Variants in SV2C observed in about 807,000 individuals in gnomAD.
SV2C encodes synaptic vesicle glycoprotein 2C.
In SV2C, 49 loss-of-function variants were observed where a neutral mutation model predicts 79.7. The ratio of observed to expected loss-of-function variants is 0.61; its 90% CI spans 0.49 to 0.78. The LOEUF is 0.78. SV2C is among the 30% of genes least tolerant of loss of function. The pLI is 0.00. For missense variants in SV2C, 833 were observed against 912.9 expected (o/e 0.91, Z 1.13); for synonymous variants, 334 against 333.2 (o/e 1.00, Z -0.03).
chr5:76,217,156 T>G (rs1477647661), intron 4 of SV2C, among the ~76,000 whole-genome samples: 1 of 152,186 alleles, frequency 6.6e-6, no homozygotes, highest in African/African-American at 2.4e-5. Flanking sequence ...GCACTGCAGA[T>G]GTTATAGGGT....
chr5:76,123,152 A>T (rs1041320531), intron 1 of SV2C, among the ~76,000 whole-genome samples: 6 of 152,244 alleles, frequency 3.9e-5, no homozygotes, highest in African/African-American at 1.4e-4. Context: ...TCGTCGACAC[A>T]TACACTCTCC....
At chr5:76,309,473 G>A (rs907193404) in intron 12 of SV2C, among the ~76,000 whole-genome samples, 24 of 151,840 alleles carry the variant, frequency 1.6e-4, no homozygotes, top group Non-Finnish European at 8.8e-5. Context: ...CGTGGCTGGC[G>A]CCTGTAGTCC....
chr5:75,931,452 T>C, the SV2C span, among the ~76,000 whole-genome samples: 1 of 152,246 alleles, frequency 6.6e-6, no homozygotes, highest in Admixed American at 6.5e-5. Flanking sequence ...TCAATCAAAA[T>C]GCTTTGTAAC....
At chr5:76,189,163 G>A (rs546836373) in intron 2 of SV2C, among the ~76,000 whole-genome samples, 13 of 152,012 alleles carry the variant, frequency 8.6e-5, no homozygotes, top group African/African-American at 3.1e-4. Context: ...GCTAGTCCAG[G>A]GTACCTTGGC....
chr5:76,073,496 T>TGG, the SV2C span, among the ~76,000 whole-genome samples: 1 of 96,896 alleles, frequency 1.0e-5, no homozygotes, highest in African/African-American at 6.2e-5. Flanking sequence ...GTGGTATGTA[T>TGG]GTGTGTGTAT....
chr5:75,919,413 C>T, the SV2C span, among the ~76,000 whole-genome samples: 1 of 152,212 alleles, frequency 6.6e-6, no homozygotes, highest in Non-Finnish European at 1.5e-5. Flanking sequence ...GTCTATGCAG[C>T]TGGCTGTCTT....
At chr5:76,165,618 C>CTT (rs70979377) in intron 2 of SV2C, among the ~76,000 whole-genome samples, 16 of 151,404 alleles carry the variant, frequency 1.1e-4, no homozygotes, top group East Asian at 3.9e-4. Flanking sequence ...TTGAGATTGG[C>CTT]TTTTTTTTTC....
intron 12 of SV2C, among the ~76,000 whole-genome samples, chr5:76,340,409 C>T (rs963697787): frequency 2.3e-4 from 35 of 152,236 alleles, no homozygotes; most frequent in Non-Finnish European, 4.4e-4. Context: ...GTGTGAGGTC[C>T]AAGAACCCTC....
chr5:76,253,705 A>C (rs537111609), intron 4 of SV2C, among the ~76,000 whole-genome samples: 13 of 86,570 alleles, frequency 1.5e-4, no homozygotes, highest in East Asian at 4.0e-4. Context: ...TCTCCTCCCT[A>C]AGGAAAAAAA....
chr5:76,211,226 C>T (rs768999790), intron 4 of SV2C, among the ~76,000 whole-genome samples: 3 of 152,138 alleles, frequency 2.0e-5, no homozygotes, highest in Non-Finnish European at 4.4e-5. Flanking sequence ...AACTGCAGAA[C>T]TTTAGAGGTG....
the SV2C span, chr5:75,921,653 CG>C: frequency 4.2e-6 from 3 of 720,344 alleles, no homozygotes; most frequent in Non-Finnish European, 4.9e-6. Flanking sequence ...CTGGCCAATG[CG>C]GGGGCCCCCT....
chr5:76,189,061 T>C (rs1744014981), intron 2 of SV2C, among the ~76,000 whole-genome samples: 1 of 152,114 alleles, frequency 6.6e-6, no homozygotes, highest in Non-Finnish European at 1.5e-5. Context: ...CAGGACTGAC[T>C]GACCCAACAT....
chr5:75,881,143 C>G, the SV2C span, among the ~76,000 whole-genome samples: 2 of 152,146 alleles, frequency 1.3e-5, no homozygotes, highest in Admixed American at 1.3e-4. Context: ...CCCCATGATC[C>G]AATCACCACC....
chr5:76,051,316 G>A, the SV2C span, among the ~76,000 whole-genome samples: 1 of 152,190 alleles, frequency 6.6e-6, no homozygotes, highest in African/African-American at 2.4e-5. Flanking sequence ...GATGGACACA[G>A]TAACTGTGTA....
At chr5:76,317,030 T>C (rs913088879) in intron 12 of SV2C, among the ~76,000 whole-genome samples, 1 of 149,926 alleles carries the variant, frequency 6.7e-6, no homozygotes, top group Non-Finnish European at 1.5e-5. Context: ...TGAATGATTA[T>C]ATGAATATGA....
intron 4 of SV2C, among the ~76,000 whole-genome samples, chr5:76,243,239 G>A (rs940730661): frequency 2.6e-5 from 4 of 152,070 alleles, no homozygotes; most frequent in Non-Finnish European, 5.9e-5. Flanking sequence ...CAAAAAAAAT[G>A]TATGTTTTCT....
chr5:76,271,706 A>G (rs531838081), intron 4 of SV2C, among the ~76,000 whole-genome samples: 32 of 138,546 alleles, frequency 2.3e-4, no homozygotes, highest in Admixed American at 1.2e-3. Context: ...TGACCTCCTG[A>G]TCTGCCCGCC....
the SV2C span, among the ~76,000 whole-genome samples, chr5:76,033,739 T>G: frequency 6.6e-6 from 1 of 152,218 alleles, no homozygotes; most frequent in African/African-American, 2.4e-5. Flanking sequence ...GGGCTCTTTT[T>G]TGGTTCCATA....
At chr5:76,238,931 T>C (rs1745698553) in intron 4 of SV2C, among the ~76,000 whole-genome samples, 1 of 152,204 alleles carries the variant, frequency 6.6e-6, no homozygotes, top group African/African-American at 2.4e-5. Flanking sequence ...AGTCCTCTGA[T>C]TGCTTGGCTG....
Sources: gnomAD v4.1 joint callset for allele counts (sites outside exome capture counted in the v4.1 genomes callset) on GRCh38, gnomAD v4.1.1 for gene constraint, MANE v1.5 for transcripts, NCBI Gene and HGNC (gene_info 2026-07-23, HGNC 2026-07-21) for gene names.